The following PRMT8 variants were observed in gnomAD, a reference collection of about 807,000 sequenced individuals.
The protein encoded by PRMT8 is protein arginine N-methyltransferase 8.
A neutral mutation model predicts 47.1 loss-of-function variants in PRMT8; 7 were observed. That is an observed-to-expected ratio of 0.15 (90% CI 0.08 to 0.28). The LOEUF (loss-of-function observed/expected upper bound fraction) is 0.28, where lower values mean the gene tolerates loss of function less well. Among genes scored for constraint, PRMT8 ranks in the 10% least tolerant of loss-of-function variants. The pLI is 1.00. For synonymous variants in PRMT8, 188 were observed against 186.5 expected (o/e 1.01, Z -0.07); for missense variants, 237 against 505.4 (o/e 0.47, Z 5.09).
intron 1 of PRMT8, among the ~76,000 whole-genome samples, chr12:3,402,796 C>T (rs896078918): frequency 6.6e-6 from 1 of 152,048 alleles, no homozygotes; most frequent in Non-Finnish European, 1.5e-5. Flanking sequence ...CAGAACAGCT[C>T]TTATTAAAAA....
In PRMT8 at chr12:3,583,422, A is replaced by T. The variant is rs1252118520; in HGVS notation, c.979+214A>T. 2.0e-5 allele frequency among the ~76,000 whole-genome samples: 3 copies of T among 152,198 alleles called. No homozygotes were observed. The highest frequency in any genetic ancestry group is 6.5e-5 in the Admixed American group (1 of 15,288). The stretch of plus-strand genomic sequence containing the variant: ...ATAATGTTGTGGTTGTTACAGCACA[A>T]GTTGAGAGTGTGTTGGATGAGGGAG... On this transcript the variant is annotated intron_variant, in intron 8 of 9. Transcript: ENST00000382622. The surrounding 1 kb of genome is among the most constrained non-coding windows in gnomAD (Gnocchi z 4.7).
intron 8 of PRMT8, among the ~76,000 whole-genome samples, chr12:3,588,278 G>A (rs1390180108): frequency 1.3e-5 from 2 of 152,162 alleles, no homozygotes; most frequent in African/African-American, 4.8e-5. Context: ...TTCTCCAAAA[G>A]GCCTATGAAT....
At position 3,550,304 on chromosome 12, in the gene PRMT8, C is replaced by A; in HGVS notation, c.417+213C>A. ...GCTCCTGGATCCTTACAACCACTGA[C>A]ATTTGCGGAGGAACTGTGGCTTTCC... On this transcript the variant is annotated intron_variant, in intron 3 of 9. Transcript: ENST00000382622. This position sits in a 1 kb window ranked among gnomAD's most constrained non-coding sequence, Gnocchi z 5.1. 1 of 546,600 alleles carries A rather than the reference C, an allele frequency of 1.8e-6. No homozygotes were observed. Among genetic ancestry groups the A allele is most frequent in the South Asian group, 2.8e-5 (1 of 36,186 alleles). 33.9% of individuals were successfully genotyped at this position (546,600 alleles called of 1,614,324 possible).
At chr12:3,388,771 C>T (rs911057574) in intron 1 of PRMT8, among the ~76,000 whole-genome samples, 1 of 152,206 alleles carries the variant, frequency 6.6e-6, no homozygotes, top group Non-Finnish European at 1.5e-5. Flanking sequence ...AGTAGACTTT[C>T]TTATCTCGCT....
chr12:3,477,717 G>A (rs753041472), intron 1 of PRMT8, among the ~76,000 whole-genome samples: 2 of 152,056 alleles, frequency 1.3e-5, no homozygotes, highest in African/African-American at 4.8e-5. Context: ...ACTGGCGGTC[G>A]TTTCTCATTA....
At chr12:3,579,618 A>T (rs144943444) in intron 7 of PRMT8, among the ~76,000 whole-genome samples, 15 of 152,266 alleles carry the variant, frequency 9.9e-5, no homozygotes, top group Admixed American at 4.6e-4. Flanking sequence ...TTCTGCTTCC[A>T]GGAGAGCCCT....
At chr12:3,495,358 C>T (rs1865489358) in intron 1 of PRMT8, among the ~76,000 whole-genome samples, 1 of 152,202 alleles carries the variant, frequency 6.6e-6, no homozygotes, top group Non-Finnish European at 1.5e-5. Flanking sequence ...CCCATCAATA[C>T]CTGCATCATG....
rs896531294 is a variant in PRMT8 at position 3,564,955 on chromosome 12, G to A, written c.482-3751G>A. ...TTTGTAGATTGGAAAATTGAATCTG[G>A]AAGTTTAAGTGGTTGCTGGTGGTGA... On this transcript the variant is annotated intron_variant, in intron 4 of 9. Transcript: ENST00000382622. The surrounding 1 kb of genome is among the most constrained non-coding windows in gnomAD (Gnocchi z 4.0). Among the ~76,000 whole-genome samples the A allele has an allele frequency of 6.6e-6, 1 of 152,244 alleles. No homozygotes were observed. Among genetic ancestry groups the A allele is most frequent in the Non-Finnish European group, 1.5e-5 (1 of 68,048 alleles).
rs74055702 is a variant in PRMT8, at chr12:3,419,195, A to G, written c.48+37753A>G. Among the ~76,000 whole-genome samples, 702 of 152,356 alleles carry G rather than the reference A, an allele frequency of 4.6e-3. 2 individuals are homozygous for G. The highest frequency in any genetic ancestry group is 0.016 in the African/African-American group (660 of 41,586). ...TTGCTCAAGGTCACAAAGCTGGTTT[A>G]CAGCTGAGCTGACGGGAGAGCCTCG... On this transcript the variant is annotated intron_variant, in intron 1 of 9. Transcript: ENST00000452611.
intron 1 of PRMT8, among the ~76,000 whole-genome samples, chr12:3,410,850 C>T (rs1005575822): frequency 6.6e-6 from 1 of 152,214 alleles, no homozygotes; most frequent in Admixed American, 6.5e-5. Context: ...GGGCATTGGT[C>T]TGCCATAGCA....
chr12:3,387,461 C>T (rs1270735929), intron 1 of PRMT8, among the ~76,000 whole-genome samples: 1 of 152,214 alleles, frequency 6.6e-6, no homozygotes, highest in African/African-American at 2.4e-5. Flanking sequence ...TGATGTCTCC[C>T]TGCTTTGTAG....
At chr12:3,551,076 A>ACCCCCCCCCC (rs3837513) in intron 3 of PRMT8, 2 of 137,112 alleles carry the variant, frequency 1.5e-5, no homozygotes, top group Non-Finnish European at 3.2e-5. Context: ...AGCCCTGGGG[A>ACCCCCCCCCC]CCCCCCCCCG....
chr12:3,559,323 C>T (rs1021978247), intron 4 of PRMT8, among the ~76,000 whole-genome samples: 5 of 152,098 alleles, frequency 3.3e-5, no homozygotes, highest in African/African-American at 7.2e-5. Flanking sequence ...TGGAATCAGT[C>T]ATTTCTCCCT....
chr12:3,410,904 T>C (rs1008147133), intron 1 of PRMT8, among the ~76,000 whole-genome samples: 1 of 152,230 alleles, frequency 6.6e-6, no homozygotes, highest in Non-Finnish European at 1.5e-5. Flanking sequence ...TTTTACATTT[T>C]TAAGTTCTAA....
chr12:3,398,071 ACGGTGCGCG>A (rs1276235900), intron 1 of PRMT8, among the ~76,000 whole-genome samples: 1 of 151,954 alleles, frequency 6.6e-6, no homozygotes, highest in East Asian at 1.9e-4. Context: ...CGGCTCGCGC[ACGGTGCGCG>A]CACCCACTGA....
chr12:3,518,414 AAAAG>A (rs1480582474), intron 1 of PRMT8, among the ~76,000 whole-genome samples: 2 of 151,798 alleles, frequency 1.3e-5, no homozygotes, highest in Non-Finnish European at 2.9e-5. Context: ...TTTTTTAAAA[AAAAG>A]GCCACTCTTG....
chr12:3,392,588 C>T (rs1302375008), intron 1 of PRMT8, among the ~76,000 whole-genome samples: 1 of 151,076 alleles, frequency 6.6e-6, no homozygotes. Flanking sequence ...ATATGTGCCA[C>T]ATTTTCTTAA....
intron 1 of PRMT8, among the ~76,000 whole-genome samples, chr12:3,446,885 T>C (rs1864861261): frequency 6.6e-6 from 1 of 152,234 alleles, no homozygotes; most frequent in South Asian, 2.1e-4. Context: ...GTTGATCCGC[T>C]GCTTCCAAAA....
At chr12:3,589,393 C>T (rs943130455) in intron 8 of PRMT8, among the ~76,000 whole-genome samples, 6 of 152,134 alleles carry the variant, frequency 3.9e-5, no homozygotes, top group South Asian at 2.1e-4. Flanking sequence ...CAGGTCACAT[C>T]GCATGTCAGT....
Sources: gnomAD v4.1 joint callset for allele counts (sites outside exome capture counted in the v4.1 genomes callset) on GRCh38, gnomAD v4.1.1 for gene constraint, Gnocchi (gnomAD v3.1) non-coding constraint, MANE v1.5 for transcripts, NCBI Gene and HGNC (gene_info 2026-07-23, HGNC 2026-07-21) for gene names.